The following EFNA5 variants were observed in gnomAD, a reference collection of about 807,000 sequenced individuals.
EFNA5 encodes the protein ephrin-A5.
EFNA5 carries 5 observed loss-of-function variants against 22.9 expected under a neutral mutation model. The observed-to-expected ratio is 0.22, with a 90% CI of 0.11 to 0.46. The LOEUF (loss-of-function observed/expected upper bound fraction) is 0.46, where lower values mean the gene tolerates loss of function less well. Ranked by LOEUF, EFNA5 falls within the 20% of genes least tolerant of loss-of-function variation. The pLI, the probability that EFNA5 is intolerant of heterozygous loss-of-function variation, is 0.99. For synonymous variants in EFNA5, 113 were observed against 112.2 expected (o/e 1.01, Z -0.04); for missense variants, 237 against 293.3 (o/e 0.81, Z 1.40).
At chr5:107,394,894 C>T (rs1254878937) in intron 2 of EFNA5, among the ~76,000 whole-genome samples, 2 of 152,120 alleles carry the variant, frequency 1.3e-5, no homozygotes, top group Non-Finnish European at 2.9e-5. Context: ...TCAGTGACAA[C>T]AAACTTTGTT....
At chr5:107,498,804 G>T (rs1475803873) in intron 1 of EFNA5, among the ~76,000 whole-genome samples, 7 of 152,074 alleles carry the variant, frequency 4.6e-5, no homozygotes, top group Admixed American at 3.9e-4. Context: ...TAATAATGAG[G>T]CTTTCCAAGG....
chr5:107,569,368 T>G (rs1748725633), intron 1 of EFNA5, among the ~76,000 whole-genome samples: 1 of 126,054 alleles, frequency 7.9e-6, no homozygotes, highest in Non-Finnish European at 1.6e-5. Context: ...TATATACGTG[T>G]ATATATATAT....
chr5:107,477,758 A>G (rs1750351714), intron 1 of EFNA5, among the ~76,000 whole-genome samples: 1 of 152,148 alleles, frequency 6.6e-6, no homozygotes, highest in Non-Finnish European at 1.5e-5. Flanking sequence ...TCTAGGCCAC[A>G]ATATATTATT....
At chr5:107,557,795 G>A (rs140917006) in intron 1 of EFNA5, among the ~76,000 whole-genome samples, 12 of 152,248 alleles carry the variant, frequency 7.9e-5, no homozygotes, top group Non-Finnish European at 1.6e-4. Context: ...GTTTAGAAGC[G>A]TTTTTACCTT....
At chr5:107,641,655 T>C (rs1464266535) in intron 1 of EFNA5, among the ~76,000 whole-genome samples, 1 of 152,198 alleles carries the variant, frequency 6.6e-6, no homozygotes, top group South Asian at 2.1e-4. Flanking sequence ...ATACATTCTA[T>C]TTAAGGATTT....
intron 1 of EFNA5, among the ~76,000 whole-genome samples, chr5:107,429,478 C>T (rs929327860): frequency 6.6e-6 from 1 of 152,022 alleles, no homozygotes; most frequent in African/African-American, 2.4e-5. Flanking sequence ...AGACCACCTT[C>T]ACTCTGGATG....
chr5:107,635,884 A>G (rs978944013), intron 1 of EFNA5, among the ~76,000 whole-genome samples: 6 of 152,200 alleles, frequency 3.9e-5, no homozygotes, highest in African/African-American at 1.4e-4. Flanking sequence ...ATGCTAGTTC[A>G]CCCAGATTGT....
chr5:107,385,610 A>T (rs1747593528), intron 4 of EFNA5, among the ~76,000 whole-genome samples: 1 of 152,176 alleles, frequency 6.6e-6, no homozygotes, highest in Admixed American at 6.5e-5. Context: ...AGATCTGAGT[A>T]TTAAACCTGG....
intron 1 of EFNA5, among the ~76,000 whole-genome samples, chr5:107,480,697 G>C (rs1310984522): frequency 6.6e-6 from 1 of 152,170 alleles, no homozygotes; most frequent in East Asian, 1.9e-4. Context: ...TCCATGAGCA[G>C]GGCTGGGGAT....
intron 1 of EFNA5, among the ~76,000 whole-genome samples, chr5:107,557,444 C>T (rs553869942): frequency 2.0e-5 from 3 of 152,192 alleles, no homozygotes; most frequent in Non-Finnish European, 4.4e-5. Flanking sequence ...TCAGGAACCA[C>T]GCAGCCCACT....
intron 2 of EFNA5, among the ~76,000 whole-genome samples, chr5:107,422,425 T>C (rs1301820831): frequency 2.0e-5 from 3 of 152,282 alleles, no homozygotes; most frequent in East Asian, 1.9e-4. Flanking sequence ...AGTAAAAGTA[T>C]AGAGAATGCA....
At chr5:107,445,986 C>A (rs1749382466) in intron 1 of EFNA5, among the ~76,000 whole-genome samples, 1 of 152,140 alleles carries the variant, frequency 6.6e-6, no homozygotes, top group Admixed American at 6.5e-5. Context: ...GCAGACAGTT[C>A]AGGAAAGAGG....
chr5:107,601,876 T>C (rs1254337668), intron 1 of EFNA5, among the ~76,000 whole-genome samples: 1 of 152,232 alleles, frequency 6.6e-6, no homozygotes, highest in Non-Finnish European at 1.5e-5. Flanking sequence ...ATAAACTATG[T>C]ATGCCACAAT....
At chr5:107,642,934 GAAAAA>G (rs34467356) in intron 1 of EFNA5, among the ~76,000 whole-genome samples, 1 of 133,774 alleles carries the variant, frequency 7.5e-6, no homozygotes, top group Non-Finnish European at 1.6e-5. Flanking sequence ...TTCCTCACCT[GAAAAA>G]AAAAAAAAAA....
intron 4 of EFNA5, among the ~76,000 whole-genome samples, chr5:107,382,092 TATC>T (rs1407229400): frequency 5.3e-5 from 8 of 152,222 alleles, no homozygotes; most frequent in Non-Finnish European, 2.9e-5. Flanking sequence ...GCACATAAAT[TATC>T]AGCGTGGATG....
intron 1 of EFNA5, among the ~76,000 whole-genome samples, chr5:107,654,043 T>C (rs1343243051): frequency 6.6e-6 from 1 of 152,138 alleles, no homozygotes; most frequent in Admixed American, 6.6e-5. Context: ...GAGTATGCTA[T>C]GATAAACACT....
chr5:107,628,217 G>A (rs1750179967), intron 1 of EFNA5, among the ~76,000 whole-genome samples: 1 of 152,112 alleles, frequency 6.6e-6, no homozygotes, highest in South Asian at 2.1e-4. Context: ...TGCTTCTAAA[G>A]CTTATGTTCT....
intron 1 of EFNA5, among the ~76,000 whole-genome samples, chr5:107,629,448 C>T (rs1750198632): frequency 6.6e-6 from 1 of 151,992 alleles, no homozygotes; most frequent in African/African-American, 2.4e-5. Context: ...ATACATTTAT[C>T]CAAACCCATA....
chr5:107,518,990 A>C (rs1407593071), intron 1 of EFNA5, among the ~76,000 whole-genome samples: 2 of 152,208 alleles, frequency 1.3e-5, no homozygotes, highest in Non-Finnish European at 2.9e-5. Flanking sequence ...CATTTGATGT[A>C]ATGATATTTG....
Sources: allele counts gnomAD v4.1 joint callset (sites outside exome capture counted in the v4.1 genomes callset), GRCh38; gene constraint gnomAD v4.1.1; transcripts MANE v1.5; gene names NCBI Gene and HGNC (gene_info 2026-07-23, HGNC 2026-07-21).